PABPC4L: variants seen among roughly 807,000 people sequenced by gnomAD.
PABPC4L encodes polyadenylate-binding protein 4-like.
For synonymous variants in PABPC4L, 169 were observed against 164.1 expected (o/e 1.03, Z -0.23); for missense variants, 452 against 451.4 (o/e 1.00, Z -0.01).
chr4:134,128,405 G>A, the PABPC4L span, among the ~76,000 whole-genome samples: 1 of 152,158 alleles, frequency 6.6e-6, no homozygotes, highest in Non-Finnish European at 1.5e-5. Context: ...ATTAAGAGCT[G>A]TGAGTCGAAA....
At chr4:134,139,803 A>C in the PABPC4L span, among the ~76,000 whole-genome samples, 7 of 151,678 alleles carry the variant, frequency 4.6e-5, no homozygotes, top group Non-Finnish European at 1.0e-4. Flanking sequence ...CTATGGTGTG[A>C]AAAGTTTCAA....
At chr4:134,028,904 T>C in the PABPC4L span, among the ~76,000 whole-genome samples, 18 of 152,124 alleles carry the variant, frequency 1.2e-4, no homozygotes, top group African/African-American at 4.3e-4. Flanking sequence ...ATTTCAAGCA[T>C]ATCATACTTT....
chr4:134,050,071 G>A, the PABPC4L span, among the ~76,000 whole-genome samples: 1 of 152,062 alleles, frequency 6.6e-6, no homozygotes, highest in Admixed American at 6.6e-5. Flanking sequence ...GCACTCTTAA[G>A]ACTAGATGAA....
Position 134,201,246 on chromosome 4 carries a change from C to T in PABPC4L, c.-226-1G>A, listed in dbSNP as rs1379050070. 5 of 1,524,230 alleles carry T rather than the reference C, an allele frequency of 3.3e-6. No homozygotes were observed. The highest frequency in any genetic ancestry group is 2.8e-5 in the African/African-American group (2 of 72,316). The allele number at this position is 1,524,230 out of a possible 1,614,324, so 94.4% of individuals were successfully genotyped here. On this transcript the variant is annotated splice_acceptor_variant, in intron 1 of 1. Coordinates refer to ENST00000421491, the MANE Select transcript of PABPC4L (RefSeq NM_001114734.2). LOFTEE classifies it low-confidence loss of function (5UTR_SPLICE). ...GCCCTCCTAGGACGCGGCAACAGAA[C>T]TGTGAAATCGCAAAGAGAGATTATT...
the PABPC4L span, among the ~76,000 whole-genome samples, chr4:134,171,409 T>C: frequency 6.6e-6 from 1 of 152,190 alleles, no homozygotes; most frequent in African/African-American, 2.4e-5. Flanking sequence ...CCACCACGCC[T>C]GGCCATATGC....
At chr4:134,051,546 A>C in the PABPC4L span, among the ~76,000 whole-genome samples, 1 of 152,144 alleles carries the variant, frequency 6.6e-6, no homozygotes, top group Non-Finnish European at 1.5e-5. Context: ...GTCAAAACAC[A>C]TTTAGATACC....
chr4:134,063,278 G>A, the PABPC4L span, among the ~76,000 whole-genome samples: 1 of 151,908 alleles, frequency 6.6e-6, no homozygotes, highest in Non-Finnish European at 1.5e-5. Context: ...GGTTTGAGGG[G>A]ACAAAATTTA....
the PABPC4L span, among the ~76,000 whole-genome samples, chr4:133,971,073 T>C: frequency 6.6e-6 from 1 of 151,380 alleles, no homozygotes; most frequent in East Asian, 1.9e-4. Flanking sequence ...ATCTAGGTCC[T>C]GTAGAATTCA....
chr4:134,144,062 A>T, the PABPC4L span, among the ~76,000 whole-genome samples: 3 of 151,644 alleles, frequency 2.0e-5, no homozygotes, highest in African/African-American at 7.2e-5. Context: ...CTGAAATAGT[A>T]CAAGATTTGG....
chr4:134,011,873 G>T, the PABPC4L span, among the ~76,000 whole-genome samples: 2 of 152,116 alleles, frequency 1.3e-5, no homozygotes, highest in African/African-American at 4.8e-5. Context: ...TTTACACTTA[G>T]ATGTTCATCA....
At chr4:134,145,361 T>G in the PABPC4L span, among the ~76,000 whole-genome samples, 1 of 151,930 alleles carries the variant, frequency 6.6e-6, no homozygotes, top group Non-Finnish European at 1.5e-5. Flanking sequence ...ATGAGAAATC[T>G]AGGCTAACAT....
At chr4:133,963,601 A>T in the PABPC4L span, among the ~76,000 whole-genome samples, 1 of 152,264 alleles carries the variant, frequency 6.6e-6, no homozygotes, top group East Asian at 1.9e-4. Context: ...CCAGAAAAAA[A>T]ACTCATTGAA....
chr4:134,012,753 A>G, the PABPC4L span, among the ~76,000 whole-genome samples: 3 of 152,096 alleles, frequency 2.0e-5, no homozygotes, highest in African/African-American at 7.2e-5. Flanking sequence ...GAAACGTCTC[A>G]CCAATTTCAA....
At chr4:134,038,876 G>C in the PABPC4L span, among the ~76,000 whole-genome samples, 1 of 151,960 alleles carries the variant, frequency 6.6e-6, no homozygotes. Context: ...TTTTGAATTT[G>C]TTTGCTCTTG....
At chr4:134,195,160 C>A (rs1481483735), downstream of PABPC4L, among the ~76,000 whole-genome samples, 1 of 151,546 alleles carries the variant, frequency 6.6e-6, no homozygotes, top group African/African-American at 2.4e-5. Flanking sequence ...AATAATGTGT[C>A]AAAACAATCT....
the PABPC4L span, among the ~76,000 whole-genome samples, chr4:134,152,672 C>A: frequency 6.6e-6 from 1 of 152,196 alleles, no homozygotes; most frequent in Non-Finnish European, 1.5e-5. Context: ...AAAGCTGCTT[C>A]CACATTTTCA....
chr4:134,174,714 G>A, the PABPC4L span, among the ~76,000 whole-genome samples: 1 of 152,084 alleles, frequency 6.6e-6, no homozygotes, highest in South Asian at 2.1e-4. Flanking sequence ...CATTATCTAC[G>A]TAAGTATTCA....
the PABPC4L span, among the ~76,000 whole-genome samples, chr4:134,133,415 TG>T: frequency 6.9e-6 from 1 of 144,550 alleles, no homozygotes; most frequent in Non-Finnish European, 1.5e-5. Context: ...TATTATTATA[TG>T]GTATATTATA....
chr4:134,019,063 G>A, the PABPC4L span, among the ~76,000 whole-genome samples: 1 of 152,062 alleles, frequency 6.6e-6, no homozygotes, highest in Admixed American at 6.6e-5. Context: ...ATGCATAAAT[G>A]TTTCAAATGC....
Sources: allele counts gnomAD v4.1 joint callset (sites outside exome capture counted in the v4.1 genomes callset), GRCh38; gene constraint gnomAD v4.1.1; transcripts MANE v1.5; gene names NCBI Gene and HGNC (gene_info 2026-07-23, HGNC 2026-07-21).